Variants in FHIT observed in about 807,000 individuals in gnomAD.
FHIT encodes the protein fragile histidine triad diadenosine triphosphatase.
Under a neutral mutation model 17.9 loss-of-function variants are expected in FHIT, and 19 were observed. The observed-to-expected ratio is 1.06, with a 90% CI of 0.74 to 1.56. The LOEUF is 1.56. FHIT is among the 40% of genes most tolerant of loss of function. The pLI, the probability that FHIT is intolerant of heterozygous loss-of-function variation, is 0.00. For synonymous variants in FHIT, 81 were observed against 69.7 expected, an observed-to-expected ratio of 1.16 and a Z score of -0.81; for missense variants, 248 against 189.2, an observed-to-expected ratio of 1.31 and a Z score of -1.82.
At chr3:61,186,012 A>T (rs147477443) in intron 2 of FHIT, among the ~76,000 whole-genome samples, 25 of 152,364 alleles carry the variant, frequency 1.6e-4, no homozygotes, top group Middle Eastern at 3.4e-3. Flanking sequence ...AAGCATTTTC[A>T]TTAAAACAAT....
At chr3:60,621,594 A>G (rs1553678647) in intron 4 of FHIT, among the ~76,000 whole-genome samples, 3 of 152,178 alleles carry the variant, frequency 2.0e-5, no homozygotes, top group Non-Finnish European at 4.4e-5. Context: ...TATGTGAAAA[A>G]AAAAAGACTC....
chr3:60,373,861 G>A (rs994654723), intron 5 of FHIT, among the ~76,000 whole-genome samples: 17 of 152,194 alleles, frequency 1.1e-4, no homozygotes, highest in Non-Finnish European at 2.2e-4. Context: ...AAGGCAGAAA[G>A]ACTGGTAGCA....
At chr3:60,442,753 C>A (rs564727533) in intron 5 of FHIT, among the ~76,000 whole-genome samples, 2 of 152,100 alleles carry the variant, frequency 1.3e-5, no homozygotes, top group African/African-American at 2.4e-5. Context: ...CTTGGCAATG[C>A]GGGCTCTTTT....
intron 7 of FHIT, among the ~76,000 whole-genome samples, chr3:59,939,091 C>A (rs1706382696): frequency 6.6e-6 from 1 of 152,156 alleles, no homozygotes; most frequent in South Asian, 2.1e-4. Flanking sequence ...GTGGGGGAAG[C>A]CCCAGCACCA....
chr3:60,429,926 T>G (rs1702812800), intron 5 of FHIT, among the ~76,000 whole-genome samples: 2 of 152,004 alleles, frequency 1.3e-5, no homozygotes, highest in Admixed American at 1.3e-4. Flanking sequence ...CCTCCCTGCC[T>G]TCACTGTTGG....
chr3:60,029,562 G>A (rs952315267), intron 5 of FHIT, among the ~76,000 whole-genome samples: 1 of 152,094 alleles, frequency 6.6e-6, no homozygotes, highest in African/African-American at 2.4e-5. Flanking sequence ...CACACTGCCT[G>A]GCAAAATTAA....
intron 5 of FHIT, among the ~76,000 whole-genome samples, chr3:60,166,657 A>G (rs1003881416): frequency 1.3e-5 from 2 of 152,174 alleles, no homozygotes; most frequent in African/African-American, 4.8e-5. Flanking sequence ...GGACCCTATG[A>G]CCTTCACATT....
intron 2 of FHIT, among the ~76,000 whole-genome samples, chr3:61,135,303 C>T (rs1354198685): frequency 6.6e-6 from 1 of 152,190 alleles, no homozygotes; most frequent in Non-Finnish European, 1.5e-5. Context: ...TTACTAATAG[C>T]TCAAAGTTAA....
At chr3:59,972,181 G>A (rs928799018) in intron 7 of FHIT, among the ~76,000 whole-genome samples, 1 of 152,112 alleles carries the variant, frequency 6.6e-6, no homozygotes. Flanking sequence ...GACAGAATGT[G>A]CCCTGTTAAG....
chr3:60,710,133 C>T (rs1471090892), intron 4 of FHIT, among the ~76,000 whole-genome samples: 4 of 146,390 alleles, frequency 2.7e-5, no homozygotes, highest in Non-Finnish European at 6.0e-5. Flanking sequence ...ATAATTTTTA[C>T]TTTTCAACAA....
At chr3:60,846,089 C>A (rs1289349098) in intron 3 of FHIT, among the ~76,000 whole-genome samples, 2 of 152,146 alleles carry the variant, frequency 1.3e-5, no homozygotes, top group African/African-American at 4.8e-5. Context: ...GTGGACTGAA[C>A]CTCAGCTGGA....
intron 5 of FHIT, among the ~76,000 whole-genome samples, chr3:60,245,155 T>C (rs1346489398): frequency 1.3e-5 from 2 of 152,034 alleles, no homozygotes; most frequent in Admixed American, 6.6e-5. Context: ...TGAGCTTCAT[T>C]TAATGAATAT....
chr3:60,006,102 G>T (rs1054935634), intron 7 of FHIT, among the ~76,000 whole-genome samples: 2 of 152,128 alleles, frequency 1.3e-5, no homozygotes, highest in Non-Finnish European at 2.9e-5. Flanking sequence ...AGGTAACTGT[G>T]AAGTACTCTA....
intron 2 of FHIT, among the ~76,000 whole-genome samples, chr3:61,094,515 C>T (rs1476445695): frequency 6.6e-6 from 1 of 152,184 alleles, no homozygotes; most frequent in Non-Finnish European, 1.5e-5. Context: ...ATCCGCAGGA[C>T]AGATGCTTCA....
rs539145740 is a variant in FHIT at position 60,072,862 on chromosome 3, T to C, written c.104-58710A>G. On this transcript the variant is annotated intron_variant, in intron 5 of 9. Coordinates refer to ENST00000492590, the MANE Select transcript of FHIT (RefSeq NM_002012.4). Reference sequence around the variant, plus strand: ...TCTATGTATGCCTTCTTTTCCCAGCTACAGCATTCACTGTTTGAAGGGAGA... The same window carrying C: ...TCTATGTATGCCTTCTTTTCCCAGCCACAGCATTCACTGTTTGAAGGGAGA... 3.3e-5 allele frequency among the ~76,000 whole-genome samples: 5 copies of C among 152,356 alleles called. No homozygotes were observed. The South Asian group carries it at 1.0e-3, about 32-fold the overall frequency.
intron 5 of FHIT, among the ~76,000 whole-genome samples, chr3:60,249,918 A>C (rs1291104517): frequency 6.6e-6 from 1 of 152,166 alleles, no homozygotes; most frequent in Non-Finnish European, 1.5e-5. Context: ...CAGGAAGGAG[A>C]GCCTGTACAG....
At chr3:59,773,194 C>T (rs1230325335) in intron 8 of FHIT, among the ~76,000 whole-genome samples, 2 of 152,194 alleles carry the variant, frequency 1.3e-5, no homozygotes, top group Admixed American at 1.3e-4. Flanking sequence ...AGCTGACAAG[C>T]AGGCTTCGAG....
intron 2 of FHIT, among the ~76,000 whole-genome samples, chr3:61,167,905 A>C (rs1966136): frequency 0.46 from 70,474 of 151,840 alleles, 17,175 homozygotes; most frequent in East Asian, 0.85. Flanking sequence ...GTGAGGTGAG[A>C]TTATTTGTCC....
At chr3:60,000,261 G>A (rs913302958) in intron 7 of FHIT, among the ~76,000 whole-genome samples, 1 of 152,214 alleles carries the variant, frequency 6.6e-6, no homozygotes, top group Non-Finnish European at 1.5e-5. Flanking sequence ...TCATTACTGT[G>A]GCAGAGACAA....
Sources: allele counts gnomAD v4.1 joint callset (sites outside exome capture counted in the v4.1 genomes callset), GRCh38; gene constraint gnomAD v4.1.1; transcripts MANE v1.5; gene names NCBI Gene and HGNC (gene_info 2026-07-23, HGNC 2026-07-21).